Variants in APOM observed in about 807,000 individuals in gnomAD.
APOM encodes the protein apolipoprotein M.
A neutral mutation model predicts 23.5 loss-of-function variants in APOM; 24 were observed. The ratio of observed to expected loss-of-function variants is 1.02; its 90% CI spans 0.74 to 1.44. APOM has a LOEUF of 1.44. Among genes scored for constraint, APOM ranks in the 40% most tolerant of loss-of-function variants. The pLI is 0.00. For synonymous variants in APOM, 82 were observed against 84.1 expected, an observed-to-expected ratio of 0.97 and a Z score of 0.14; for missense variants, 200 against 233.2, an observed-to-expected ratio of 0.86 and a Z score of 0.93.
At chr6:31,657,145 CAA>C (rs377060558) in intron 2 of APOM, 78 bp from the exon 3 acceptor site, 8,411 of 1,139,026 alleles carry the variant, frequency 7.4e-3, no homozygotes, top group Non-Finnish European at 8.4e-3. Flanking sequence ...GACTCTGTCT[CAA>C]AAAAAAAAAA....
chr6:31,654,720 A>G (rs1333135725), upstream of APOM, among the ~76,000 whole-genome samples: 2 of 152,230 alleles, frequency 1.3e-5, no homozygotes, highest in Non-Finnish European at 2.9e-5. Context: ...CTATCCAAGG[A>G]CAACCTATTT....
At position 31,658,067 on chromosome 6, in the gene APOM, C is replaced by T; in HGVS notation, c.545C>T (p.Ala182Val). The T allele has an allele frequency of 1.2e-6, 2 of 1,614,128 alleles. No homozygotes were observed. The highest frequency in any genetic ancestry group is 1.7e-6 in the Non-Finnish European group (2 of 1,180,008). Residue 182 changes from alanine (A) to valine (V), a missense_variant, in exon 6 of 6, where the codon GCC becomes GTC. Ala to Val is a moderately conservative substitution (Grantham distance 64). Coordinates refer to ENST00000375916, the MANE Select transcript of APOM (RefSeq NM_019101.3). ...AFLLTPRNQE[A>V]CELSNN ...TTTTTCCCTCCCCCCATCACAGAGG[C>T]CTGTGAGCTGTCCAATAACTGACCT...
In APOM at chr6:31,658,050, TC is replaced by T; in HGVS notation, c.542-8del. 2 of 1,613,846 alleles carry T rather than the reference TC, an allele frequency of 1.2e-6. No homozygotes were observed. Among genetic ancestry groups the T allele is most frequent in the African/African-American group, 1.3e-5 (1 of 74,954 alleles). On this transcript the variant is annotated splice_polypyrimidine_tract_variant and intron_variant, in intron 5 of 5. Transcript: ENST00000375916. Reference sequence around the variant, plus strand: ...CTTCCCTTCTGTCCTTCTTTTTCCCTCCCCCCATCACAGAGGCCTGTGAGCT... The same window carrying T: ...CTTCCCTTCTGTCCTTCTTTTTCCCTCCCCCATCACAGAGGCCTGTGAGCT...
Position 31,656,033 on chromosome 6 carries a change from T to C in APOM, c.67T>C (p.Cys23Arg), listed in dbSNP as rs1243710157. The change falls in exon 1 of 6, where the codon TGC (cysteine) becomes CGC (arginine). Residue 23 changes from cysteine (C) to arginine (R), a missense_variant. Transcript: ENST00000375916. Reference sequence around the variant, plus strand: ...TATTATCCTTAACTCCATCTACCAGTGCCCTGAGCACAGTCAACTGACAAC... The same window carrying C: ...TATTATCCTTAACTCCATCTACCAGCGCCCTGAGCACAGTCAACTGACAAC... ...YGIILNSIYQ[C>R]PEHSQLTTLG... is the part of the protein sequence containing the mutation. 5.0e-6 allele frequency: 8 copies of C among 1,591,532 alleles called. No individual in the cohort carries two copies. In the South Asian group the frequency reaches 9.1e-5, roughly 18 times the overall value.
upstream of APOM, among the ~76,000 whole-genome samples, chr6:31,655,038 C>T (rs553368377): frequency 2.6e-5 from 4 of 152,294 alleles, no homozygotes; most frequent in Non-Finnish European, 5.9e-5. Context: ...ACATCCCAGG[C>T]TCAAGCAATC....
In APOM at chr6:31,658,194, T is replaced by A; in HGVS notation, c.*105T>A. 1 of 1,346,032 alleles carries A rather than the reference T, an allele frequency of 7.4e-7. No individual in the cohort carries two copies. The highest frequency in any genetic ancestry group is 1.1e-6 in the Non-Finnish European group (1 of 939,686). The allele number at this position is 1,346,032 out of a possible 1,614,324, so 83.4% of individuals were successfully genotyped here. On this transcript the variant is annotated 3_prime_UTR_variant, in exon 6 of 6. Coordinates refer to ENST00000375916, the MANE Select transcript of APOM (RefSeq NM_019101.3). ...CAGCTCCCACTCAAGATAATAAAGA[T>A]AATTTTTCAATCCTCATCTCATTCT...
rs756801161 is a variant in APOM at position 31,655,993 on chromosome 6, G to A, written c.27G>A (p.Leu9=). The change falls in exon 1 of 6, where the codon CTG becomes CTA. Residue 9 remains leucine (L), a synonymous_variant. Coordinates refer to ENST00000375916, the MANE Select transcript of APOM (RefSeq NM_019101.3). ...TGTTCCACCAAATTTGGGCAGCTCT[G>A]CTCTACTTCTATGGTATTATCCTTA... MFHQIWAA[L]LYFYGIILNS... is the part of the protein sequence containing the mutation. 5.0e-6 allele frequency: 8 copies of A among 1,601,012 alleles called. No individual in the cohort carries two copies. The highest frequency in any genetic ancestry group is 6.8e-6 in the Non-Finnish European group (8 of 1,173,892).
chr6:31,653,264 G>A (rs1384490003), upstream of APOM, among the ~76,000 whole-genome samples: 2 of 152,200 alleles, frequency 1.3e-5, no homozygotes. Context: ...CTGACCGTGG[G>A]GAATTTAAAG....
intron 4 of APOM, 26 bp downstream of exon 4, chr6:31,657,504 G>T (rs372408015): frequency 2.5e-6 from 4 of 1,611,394 alleles, no homozygotes; most frequent in African/African-American, 2.7e-5. Context: ...AGGCAGGAAG[G>T]GTTGGAGGGA....
upstream of APOM, among the ~76,000 whole-genome samples, chr6:31,654,391 G>T (rs1583527077): frequency 6.6e-6 from 1 of 152,076 alleles, no homozygotes; most frequent in Admixed American, 6.6e-5. Context: ...CAGTCCATGG[G>T]ATATAAATTT....
intron 2 of APOM, 134 bp downstream of exon 2, chr6:31,656,760 T>C: frequency 8.7e-7 from 1 of 1,145,238 alleles, no homozygotes; most frequent in Non-Finnish European, 1.2e-6. Flanking sequence ...GCTGTATTAA[T>C]TGCCCTCTGG....
upstream of APOM, among the ~76,000 whole-genome samples, chr6:31,655,087 G>A (rs1489773414): frequency 6.6e-6 from 1 of 152,134 alleles, no homozygotes. Flanking sequence ...GACTACAGGC[G>A]TGTGCCACCA....
At chr6:31,653,266 A>T (rs889270497), upstream of APOM, among the ~76,000 whole-genome samples, 2 of 152,072 alleles carry the variant, frequency 1.3e-5, no homozygotes, top group African/African-American at 4.8e-5. Context: ...GACCGTGGGG[A>T]ATTTAAAGGC....
At chr6:31,657,760 T>G in intron 5 of APOM, 37 bp downstream of exon 5, 1 of 1,549,386 alleles carries the variant, frequency 6.5e-7, no homozygotes, top group Non-Finnish European at 8.9e-7. Context: ...GGATTAGGAC[T>G]CACCAAGTCT....
In APOM at chr6:31,656,592, C is replaced by G. The variant is rs760172930; in HGVS notation, c.235C>G (p.Pro79Ala). Residue 79 changes from proline (P) to alanine (A), a missense_variant, in exon 2 of 6, where the codon CCG becomes GCG. Transcript: ENST00000375916. ...IVFNMAAGSA[P>A]MQLHLRATIR... ...CTTCAATATGGCTGCTGGCTCTGCC[C>G]CGATGCAGCTCCACCTTCGTGCTAC... 12 of 1,613,992 alleles carry G rather than the reference C, an allele frequency of 7.4e-6. No homozygotes were observed. The highest frequency in any genetic ancestry group is 1.6e-4 in the Middle Eastern group (1 of 6,082).
At chr6:31,657,931 G>C (rs1298454962) in intron 5 of APOM, 133 bp from the exon 6 acceptor site, 1 of 1,059,952 alleles carries the variant, frequency 9.4e-7, no homozygotes, top group African/African-American at 1.6e-5. Flanking sequence ...ATACGTGGAG[G>C]GAAAAGAGCC....
upstream of APOM, chr6:31,655,783 G>C (rs1799974033): frequency 3.5e-6 from 2 of 579,448 alleles, no homozygotes; most frequent in Admixed American, 2.9e-5. Context: ...TCCGGAAGAG[G>C]GGGAGGAAGT....
upstream of APOM, chr6:31,655,650 T>G (rs998664582): frequency 1.1e-5 from 3 of 281,652 alleles, no homozygotes; most frequent in African/African-American, 2.2e-5. Context: ...TGCTGCACAG[T>G]GCAACAAATA....
chr6:31,654,679 T>C (rs1706704679), upstream of APOM, among the ~76,000 whole-genome samples: 1 of 152,202 alleles, frequency 6.6e-6, no homozygotes, highest in African/African-American at 2.4e-5. Context: ...GATCCATCTC[T>C]CACAGCATTA....
Sources: gnomAD v4.1 joint callset for allele counts (sites outside exome capture counted in the v4.1 genomes callset) on GRCh38, gnomAD v4.1.1 for gene constraint, MANE v1.5 for transcripts, NCBI Gene and HGNC (gene_info 2026-07-23, HGNC 2026-07-21) for gene names.